Variants in ANTXR1 observed in about 807,000 individuals in gnomAD.
ANTXR1 encodes the protein anthrax toxin receptor 1.
Under a neutral mutation model 78.1 loss-of-function variants are expected in ANTXR1, and 19 were observed. That is an observed-to-expected ratio of 0.24 (90% CI 0.17 to 0.36). ANTXR1 has a LOEUF of 0.36. Among genes scored for constraint, ANTXR1 ranks in the 10% least tolerant of loss-of-function variants. The pLI is 1.00. For missense variants in ANTXR1, 518 were observed against 718.6 expected (o/e 0.72, Z 3.19); for synonymous variants, 273 against 260.5 (o/e 1.05, Z -0.46).
At chr2:69,239,486 C>T (rs553246035) in intron 17 of ANTXR1, among the ~76,000 whole-genome samples, 5 of 152,112 alleles carry the variant, frequency 3.3e-5, no homozygotes, top group East Asian at 1.9e-4. Flanking sequence ...GCAGAAGAAT[C>T]GCTTGAACCC....
intron 17 of ANTXR1, among the ~76,000 whole-genome samples, chr2:69,223,180 A>G (rs1300870555): frequency 2.0e-5 from 3 of 152,198 alleles, no homozygotes; most frequent in Non-Finnish European, 4.4e-5. Context: ...AGGACTTGAG[A>G]TCACTTCAAG....
At chr2:69,141,818 G>A (rs944129046) in intron 12 of ANTXR1, among the ~76,000 whole-genome samples, 2 of 152,134 alleles carry the variant, frequency 1.3e-5, no homozygotes, top group African/African-American at 4.8e-5. Flanking sequence ...GGGCATGAAG[G>A]CTTTTTGCCT....
intron 9 of ANTXR1, among the ~76,000 whole-genome samples, chr2:69,097,416 G>A (rs921272859): frequency 2.0e-5 from 3 of 152,182 alleles, no homozygotes; most frequent in African/African-American, 7.2e-5. Flanking sequence ...CAAAAGGAAG[G>A]TCATTTAAGG....
chr2:69,178,280 C>T (rs902763245), intron 14 of ANTXR1, among the ~76,000 whole-genome samples: 3 of 152,256 alleles, frequency 2.0e-5, no homozygotes, highest in Non-Finnish European at 4.4e-5. Flanking sequence ...TGTAAACAGA[C>T]CCATGCTAAC....
At chr2:69,082,445 T>G (rs1670925276) in intron 8 of ANTXR1, among the ~76,000 whole-genome samples, 1 of 149,140 alleles carries the variant, frequency 6.7e-6, no homozygotes, top group African/African-American at 2.5e-5. Flanking sequence ...AGGAAGAAAC[T>G]ATTCCTGTGC....
At chr2:69,223,607 A>T (rs190769440) in intron 17 of ANTXR1, among the ~76,000 whole-genome samples, 1 of 152,332 alleles carries the variant, frequency 6.6e-6, no homozygotes, top group Non-Finnish European at 1.5e-5. Context: ...AAGGGCCAAC[A>T]TCATTGTCAT....
intron 12 of ANTXR1, among the ~76,000 whole-genome samples, chr2:69,150,109 G>A (rs531657172): frequency 6.6e-6 from 1 of 152,166 alleles, no homozygotes; most frequent in East Asian, 1.9e-4. Context: ...TGGCTTTTTG[G>A]TCAGAGACAT....
At position 69,174,016 on chromosome 2, in the gene ANTXR1, T is replaced by C. The variant is rs192596036; in HGVS notation, c.1089+3727T>C. Among the ~76,000 whole-genome samples, 1,222 of 152,340 alleles carry C rather than the reference T, an allele frequency of 8.0e-3. 8 individuals carry two copies. Among genetic ancestry groups the C allele is most frequent in the Non-Finnish European group, 0.012 (823 of 68,022 alleles). On this transcript the variant is annotated intron_variant, in intron 14 of 17. Transcript: ENST00000303714. ...AACAAAACATTCCTTTCCTGGAGCC[T>C]AGAGCGCCTCCCCTTGTTCATTTCC...
In ANTXR1 at chr2:69,182,575, A is replaced by C; in HGVS notation, c.1268A>C (p.Gln423Pro). 1 of 1,614,276 alleles carries C rather than the reference A, an allele frequency of 6.2e-7. No individual in the cohort carries two copies. Among genetic ancestry groups the C allele is most frequent in the Non-Finnish European group, 8.5e-7 (1 of 1,180,054 alleles). The change falls in exon 16 of 18, where the codon CAG becomes CCG. Residue 423 changes from glutamine to proline, a missense_variant. By Grantham distance (76) the Gln-to-Pro change is moderately conservative. This residue lies in a region of ANTXR1 where 192 missense variants were observed against 230.2 expected (regional missense o/e 0.83). Coordinates refer to ENST00000303714, the MANE Select transcript of ANTXR1 (RefSeq NM_032208.3). Reference sequence around the variant, plus strand: ...AATGCAAGAGTCAAGATGCCGGAGCAGGAATATGAATTCCCTGAGCCGCGA... The same window carrying C: ...AATGCAAGAGTCAAGATGCCGGAGCCGGAATATGAATTCCCTGAGCCGCGA... ...AKNARVKMPE[Q>P]EYEFPEPRNL...
intron 17 of ANTXR1, among the ~76,000 whole-genome samples, chr2:69,219,923 T>G (rs1027665360): frequency 5.9e-5 from 9 of 152,274 alleles, no homozygotes; most frequent in South Asian, 4.1e-4. Flanking sequence ...GATTTTTTTT[T>G]GAACAGGCTT....
At chr2:69,162,503 T>G (rs900001743) in intron 13 of ANTXR1, among the ~76,000 whole-genome samples, 6 of 152,194 alleles carry the variant, frequency 3.9e-5, no homozygotes, top group Non-Finnish European at 5.9e-5. Flanking sequence ...AGAGGAAACC[T>G]GAAACCTCTG....
intron 10 of ANTXR1, 117 bp from the exon 11 acceptor site, chr2:69,122,900 A>C: frequency 9.1e-7 from 1 of 1,100,528 alleles, no homozygotes; most frequent in East Asian, 2.3e-5. Context: ...TTAAGCTCAA[A>C]AAGATTTTTG....
chr2:69,138,509 CA>C (rs1420642540), intron 12 of ANTXR1, among the ~76,000 whole-genome samples: 2 of 152,190 alleles, frequency 1.3e-5, no homozygotes, highest in East Asian at 1.9e-4. Flanking sequence ...CTGTTCCCTA[CA>C]GAATGACAAG....
intron 14 of ANTXR1, chr2:69,172,455 A>T: frequency 6.4e-7 from 1 of 1,566,558 alleles, no homozygotes; most frequent in African/African-American, 1.4e-5. Context: ...TATTTTATAC[A>T]ATGCTCTGAA....
intron 10 of ANTXR1, among the ~76,000 whole-genome samples, chr2:69,110,684 C>A (rs1399531895): frequency 2.0e-5 from 3 of 152,066 alleles, no homozygotes; most frequent in Non-Finnish European, 4.4e-5. Context: ...CACGGTGAAA[C>A]CCCGTCTCCA....
intron 13 of ANTXR1, among the ~76,000 whole-genome samples, chr2:69,164,850 G>A (rs570467528): frequency 1.5e-4 from 23 of 152,284 alleles, no homozygotes; most frequent in Non-Finnish European, 2.5e-4. Flanking sequence ...ACAATGGAGC[G>A]GGGACACCAA....
intron 1 of ANTXR1, among the ~76,000 whole-genome samples, chr2:69,037,618 C>T (rs750589382): frequency 5.9e-5 from 9 of 151,946 alleles, no homozygotes; most frequent in Non-Finnish European, 8.8e-5. Context: ...TACAGGCATA[C>T]GCCACCATGC....
rs370028187 is a variant in ANTXR1 at position 69,245,459 on chromosome 2, C to T, written c.1669C>T (p.Arg557Cys). Residue 557 changes from arginine to cysteine, a missense_variant, in exon 18 of 18, where the codon CGC becomes TGC. Arg to Cys is a radical substitution (Grantham distance 180, BLOSUM62 -3). Around this residue, in one of 5 missense-constraint regions of ANTXR1, gnomAD observed 192 missense variants for 230.2 expected, o/e 0.83. Transcript: ENST00000303714. ...TCCCAACAGGGCACCTCCTCCCTCCCGCCCTCCTCCAAGGCCTTCTGTCTA... is the reference window on the plus strand; with the variant it reads ...TCCCAACAGGGCACCTCCTCCCTCCTGCCCTCCTCCAAGGCCTTCTGTCTA... ...PPPNRAPPPSRPPPRPSV is the reference protein window; with the variant it reads ...PPPNRAPPPSCPPPRPSV The T allele has an allele frequency of 5.3e-5, 85 of 1,612,246 alleles. No individual in the cohort carries two copies. The highest frequency in any genetic ancestry group is 1.6e-4 in the Middle Eastern group (1 of 6,080).
chr2:69,131,524 G>A (rs1409360706), intron 12 of ANTXR1, among the ~76,000 whole-genome samples: 3 of 152,156 alleles, frequency 2.0e-5, no homozygotes, highest in East Asian at 1.9e-4. Flanking sequence ...TAAAGCAAAC[G>A]CAGACATTGG....
Sources: allele counts gnomAD v4.1 joint callset (sites outside exome capture counted in the v4.1 genomes callset), GRCh38; gene constraint gnomAD v4.1.1; regional missense constraint gnomAD v4.1.1; transcripts MANE v1.5; gene names NCBI Gene and HGNC (gene_info 2026-07-23, HGNC 2026-07-21).